The following TMC2 variants were observed in gnomAD, a reference collection of about 807,000 sequenced individuals.
TMC2 encodes transmembrane channel like 2.
In TMC2, 102 loss-of-function variants were observed where a neutral mutation model predicts 105.9. The ratio of observed to expected loss-of-function variants is 0.96; its 90% CI spans 0.82 to 1.14. The LOEUF (loss-of-function observed/expected upper bound fraction) is 1.14. TMC2 is among the 50% of genes most tolerant of loss of function. The pLI is 0.00. For missense variants in TMC2, 1,093 were observed against 1,134.3 expected, an observed-to-expected ratio of 0.96 and a Z score of 0.52; for synonymous variants, 402 against 422.8, an observed-to-expected ratio of 0.95 and a Z score of 0.60.
At chr20:2,584,376 G>T (rs543641344) in intron 7 of TMC2, among the ~76,000 whole-genome samples, 2 of 143,962 alleles carry the variant, frequency 1.4e-5, no homozygotes, top group South Asian at 4.3e-4. Flanking sequence ...CCCGGGAGGC[G>T]GAGCTTGCAG....
intron 5 of TMC2, among the ~76,000 whole-genome samples, chr20:2,576,907 T>TG (rs1423419275): frequency 5.5e-5 from 6 of 109,280 alleles, no homozygotes; most frequent in African/African-American, 2.3e-4. Context: ...TTGGTTTTTT[T>TG]TTTTTGTTTT....
intron 2 of TMC2, among the ~76,000 whole-genome samples, chr20:2,542,555 C>T (rs768608556): frequency 2.6e-5 from 4 of 152,064 alleles, no homozygotes; most frequent in Non-Finnish European, 4.4e-5. Flanking sequence ...ATCTTTATGC[C>T]GAAGTGGCAT....
chr20:2,586,017 C>G (rs193220484), intron 7 of TMC2, among the ~76,000 whole-genome samples: 306 of 152,268 alleles, frequency 2.0e-3, no homozygotes, highest in Non-Finnish European at 3.5e-3. Flanking sequence ...TGTGAGCCAC[C>G]TCACAGGCTG....
intron 12 of TMC2, among the ~76,000 whole-genome samples, chr20:2,611,224 C>A (rs2086435746): frequency 6.6e-6 from 1 of 152,206 alleles, no homozygotes; most frequent in African/African-American, 2.4e-5. Context: ...TGGAGTGGAG[C>A]AGAAGAGTGA....
rs742844 is a variant in TMC2, at chr20:2,635,705, G to T, written c.2307-221G>T. Among the ~76,000 whole-genome samples the T allele has an allele frequency of 0.76, 115,213 of 152,108 alleles. 43,775 individuals carry two copies. The highest frequency in any genetic ancestry group is 0.87 in the East Asian group (4,480 of 5,172). On this transcript the variant is annotated intron_variant, in intron 17 of 19. Transcript: ENST00000358864. ...TCCAGCCAACCTTTACTGAGCACTC[G>T]CAGAGCTAGAGCTATGTAGTTATGC...
intron 16 of TMC2, among the ~76,000 whole-genome samples, chr20:2,619,686 A>G (rs935831777): frequency 6.6e-6 from 1 of 152,138 alleles, no homozygotes; most frequent in Non-Finnish European, 1.5e-5. Flanking sequence ...AACAGAAGGA[A>G]TGTGCTGAAG....
At chr20:2,579,925 T>C (rs1474379396) in intron 6 of TMC2, 25 bp from the exon 7 acceptor site, 3 of 1,547,556 alleles carry the variant, frequency 1.9e-6, no homozygotes, top group Non-Finnish European at 2.7e-6. Flanking sequence ...GCAGCACTCA[T>C]ACCCACCGTC....
chr20:2,553,067 G>A (rs1242356201), intron 2 of TMC2, among the ~76,000 whole-genome samples: 1 of 151,874 alleles, frequency 6.6e-6, no homozygotes, highest in East Asian at 1.9e-4. Flanking sequence ...TTATTTTTTT[G>A]TTCCCATTTA....
chr20:2,554,279 C>T (rs28588103), intron 2 of TMC2, among the ~76,000 whole-genome samples: 17,709 of 152,052 alleles, frequency 0.12, 1,123 homozygotes, highest in Non-Finnish European at 0.14. Flanking sequence ...GCCTGGGCAA[C>T]GGAGCAACAC....
At chr20:2,595,826 C>A (rs1012874672) in intron 9 of TMC2, among the ~76,000 whole-genome samples, 2 of 152,052 alleles carry the variant, frequency 1.3e-5, no homozygotes, top group African/African-American at 4.8e-5. Flanking sequence ...TGGGTACAGC[C>A]CCTGAAAGGG....
Position 2,558,890 on chromosome 20 carries a change from C to T in TMC2, c.401+116C>T, listed in dbSNP as rs2086004728. On this transcript the variant is annotated intron_variant, in intron 3 of 19. Coordinates refer to ENST00000358864, the MANE Select transcript of TMC2 (RefSeq NM_080751.3). This position sits in a 1 kb window ranked among gnomAD's most constrained non-coding sequence, Gnocchi z 4.6. The stretch of plus-strand genomic sequence containing the variant: ...CCTCCCCGGGGAGAGGCAGCCCGTG[C>T]CCTCGCTCTGGCTTCCGTGCCTCCC... 1.2e-5 allele frequency: 13 copies of T among 1,114,140 alleles called. No homozygotes were observed. Among genetic ancestry groups the T allele is most frequent in the Non-Finnish European group, 1.6e-5 (13 of 800,528 alleles). 69.0% of individuals were successfully genotyped at this position (1,114,140 alleles called of 1,614,324 possible).
At chr20:2,622,311 G>C (rs564072508) in intron 16 of TMC2, among the ~76,000 whole-genome samples, 2 of 152,238 alleles carry the variant, frequency 1.3e-5, no homozygotes, top group South Asian at 4.1e-4. Context: ...TAGTATTCCT[G>C]TTTTGACTTG....
At chr20:2,600,684 C>A (rs1013910473) in intron 10 of TMC2, among the ~76,000 whole-genome samples, 1 of 152,076 alleles carries the variant, frequency 6.6e-6, no homozygotes, top group Non-Finnish European at 1.5e-5. Flanking sequence ...ATTAGCCGGG[C>A]ATGGTGGCGG....
Position 2,617,293 on chromosome 20 carries a change from T to C in TMC2, c.2162T>C (p.Phe721Ser). Residue 721 changes from phenylalanine (F) to serine (S), a missense_variant, in exon 16 of 20, where the codon TTT (phenylalanine) becomes TCT (serine). By Grantham distance (155) the Phe-to-Ser change is radical (BLOSUM62 -2). Transcript: ENST00000358864. ...ACCATCATGTCCCTCCCACCCTCCTTTGACTGCGGGCCGTTCAGGTGCAGA... is the reference window on the plus strand; with the variant it reads ...ACCATCATGTCCCTCCCACCCTCCTCTGACTGCGGGCCGTTCAGGTGCAGA... The part of the protein sequence containing the change: ...AYTIMSLPPS[F>S]DCGPFSGKNR... 6.2e-7 allele frequency: 1 copy of C among 1,614,176 alleles called. No homozygotes were observed. Among genetic ancestry groups the C allele is most frequent in the African/African-American group, 1.3e-5 (1 of 75,046 alleles).
rs952430275 is a variant in TMC2, at chr20:2,577,876, C to G, written c.646-1270C>G. ...CGCCACCTGCACTCGGCCTGGGCAGCAGAGTGAGACCATGTCTGAAAAGAA... is the reference window on the plus strand; with the variant it reads ...CGCCACCTGCACTCGGCCTGGGCAGGAGAGTGAGACCATGTCTGAAAAGAA... On this transcript the variant is annotated intron_variant, in intron 5 of 19. Coordinates refer to ENST00000358864, the MANE Select transcript of TMC2 (RefSeq NM_080751.3). Among the ~76,000 whole-genome samples the G allele has an allele frequency of 7.9e-5, 12 of 152,126 alleles. 1 individual carries two copies. Among genetic ancestry groups the G allele is most frequent in the African/African-American group, 2.9e-4 (12 of 41,418 alleles).
intron 2 of TMC2, among the ~76,000 whole-genome samples, chr20:2,539,285 T>A (rs4815297): frequency 0.53 from 80,805 of 152,084 alleles, 21,575 homozygotes; most frequent in South Asian, 0.57. Flanking sequence ...TTTTCTGTGT[T>A]GAAGAGGTCT....
At position 2,558,619 on chromosome 20, in the gene TMC2, G is replaced by C; in HGVS notation, c.246G>C (p.Glu82Asp). Residue 82 changes from glutamate (E) to aspartate (D), a missense_variant, in exon 3 of 20, where the codon GAG becomes GAC. Physicochemically the swap from Glu to Asp is conservative, Grantham distance 45. Coordinates refer to ENST00000358864, the MANE Select transcript of TMC2 (RefSeq NM_080751.3). The surrounding 1 kb of genome is among the most constrained non-coding windows in gnomAD (Gnocchi z 4.6). Reference protein sequence around the residue: ...KQTGRRRHREELGEQERGEAE... With the variant: ...KQTGRRRHREDLGEQERGEAE... ...CAGGGCGCAGGAGACACAGAGAAGA[G>C]CTGGGGGAGCAGGAGCGGGGCGAGG... The C allele has an allele frequency of 1.3e-6, 2 of 1,561,536 alleles. No homozygotes were observed. Among genetic ancestry groups the C allele is most frequent in the Non-Finnish European group, 8.7e-7 (1 of 1,152,416 alleles).
At chr20:2,539,437 T>G (rs1042644928) in intron 2 of TMC2, among the ~76,000 whole-genome samples, 8 of 152,190 alleles carry the variant, frequency 5.3e-5, no homozygotes, top group African/African-American at 1.7e-4. Flanking sequence ...CTGGGAAGTA[T>G]GCTTGGTACA....
chr20:2,604,077 T>C (rs1442304446), intron 11 of TMC2, among the ~76,000 whole-genome samples: 1 of 152,168 alleles, frequency 6.6e-6, no homozygotes, highest in Admixed American at 6.5e-5. Context: ...ATGAGCCAAG[T>C]GGGTCCAGAA....
Sources: gnomAD v4.1 joint callset for allele counts (sites outside exome capture counted in the v4.1 genomes callset) on GRCh38, gnomAD v4.1.1 for gene constraint, Gnocchi (gnomAD v3.1) non-coding constraint, MANE v1.5 for transcripts, NCBI Gene and HGNC (gene_info 2026-07-23, HGNC 2026-07-21) for gene names.